The following ZDHHC14 variants were observed in gnomAD, a reference collection of about 807,000 sequenced individuals.
ZDHHC14 encodes the protein zDHHC palmitoyltransferase 14.
In ZDHHC14, 16 loss-of-function variants were observed where a neutral mutation model predicts 47.7. That is an observed-to-expected ratio of 0.34 (90% CI 0.23 to 0.51). The LOEUF (loss-of-function observed/expected upper bound fraction) is 0.51, where lower values mean the gene tolerates loss of function less well. Ranked by LOEUF, ZDHHC14 falls within the 20% of genes least tolerant of loss-of-function variation. The probability of loss-of-function intolerance (pLI) is 0.97; values close to 1 mark genes in which losing one functional copy is unlikely to be tolerated. For missense variants in ZDHHC14, 515 were observed against 662.5 expected, an observed-to-expected ratio of 0.78 and a Z score of 2.44; for synonymous variants, 293 against 278.9, an observed-to-expected ratio of 1.05 and a Z score of -0.50.
chr6:157,541,471 C>G (rs1293260255), intron 1 of ZDHHC14, among the ~76,000 whole-genome samples: 1 of 152,164 alleles, frequency 6.6e-6, no homozygotes, highest in East Asian at 1.9e-4. Flanking sequence ...TTGAGCAGAG[C>G]TGAGCTTCCC....
chr6:157,663,836 C>A (rs544099537), intron 8 of ZDHHC14, among the ~76,000 whole-genome samples: 1 of 152,300 alleles, frequency 6.6e-6, no homozygotes, highest in African/African-American at 2.4e-5. Context: ...TCCAAGCCTT[C>A]CACGTACATA....
intron 1 of ZDHHC14, among the ~76,000 whole-genome samples, chr6:157,513,171 G>A (rs1037146177): frequency 5.3e-5 from 8 of 152,248 alleles, no homozygotes; most frequent in African/African-American, 1.4e-4. Flanking sequence ...TGTTCGTGAC[G>A]TCTCGCTGTT....
At position 157,672,889 on chromosome 6, in the gene ZDHHC14, C is replaced by A. The variant is rs759123895; in HGVS notation, c.1234C>A (p.Pro412Thr). 9.3e-6 allele frequency: 15 copies of A among 1,606,630 alleles called. No homozygotes were observed. The highest frequency in any genetic ancestry group is 1.2e-5 in the Non-Finnish European group (14 of 1,177,720). ...ASLTLGPPTP[P>T]ASMPNLAEAT... ...CCTCACACTGGGCCCGCCCACACCG[C>A]CCGCCTCCATGCCCAACCTCGCCGA... The change falls in exon 9 of 9, where the codon CCC becomes ACC. Residue 412 changes from proline (P) to threonine (T), a missense_variant. Pro to Thr is a conservative substitution (Grantham distance 38). This residue lies in a region of ZDHHC14 where 221 missense variants were observed against 233.6 expected (regional missense o/e 0.95). Coordinates refer to ENST00000359775, the MANE Select transcript of ZDHHC14 (RefSeq NM_024630.3).
In ZDHHC14 at chr6:157,673,281, G is replaced by C. The variant is rs192202553; in HGVS notation, c.*159G>C. Reference sequence around the variant, plus strand: ...AGACCACTTAGGATGGCACAGGGTGGCTGGCCCCGGATGCTGAGAGCTTGG... The same window carrying C: ...AGACCACTTAGGATGGCACAGGGTGCCTGGCCCCGGATGCTGAGAGCTTGG... On this transcript the variant is annotated 3_prime_UTR_variant, in exon 9 of 9. Transcript: ENST00000359775. The surrounding 1 kb of genome is among the most constrained non-coding windows in gnomAD (Gnocchi z 5.4). 8 of 951,424 alleles carry C rather than the reference G, an allele frequency of 8.4e-6. No homozygotes were observed. In the Admixed American group the frequency reaches 3.0e-4, roughly 36 times the overall value. 58.9% of individuals were successfully genotyped at this position (951,424 alleles called of 1,614,324 possible). A position where few individuals can be genotyped will look rare whatever the true frequency, so the allele number is the denominator to read the frequency against.
chr6:157,500,799 TA>T (rs1417766979), intron 1 of ZDHHC14, among the ~76,000 whole-genome samples: 1 of 152,230 alleles, frequency 6.6e-6, no homozygotes, highest in Non-Finnish European at 1.5e-5. Context: ...CTTAAAAGTT[TA>T]AAACATTTTA....
rs370661220 is a variant in ZDHHC14 at position 157,485,281 on chromosome 6, G to A, written c.246-57304G>A. Among the ~76,000 whole-genome samples, 49 of 152,230 alleles carry A rather than the reference G, an allele frequency of 3.2e-4. No homozygotes were observed. The South Asian group carries it at 7.7e-3, about 24-fold the overall frequency. ...TGTACTGCAGCAGGGACTGAGCTTC[G>A]TGCACATGGGAGGCTTCATCCTCTG... On this transcript the variant is annotated intron_variant, in intron 1 of 8. Coordinates refer to ENST00000359775, the MANE Select transcript of ZDHHC14 (RefSeq NM_024630.3).
At chr6:157,472,071 C>T (rs1779367622) in intron 1 of ZDHHC14, among the ~76,000 whole-genome samples, 1 of 152,116 alleles carries the variant, frequency 6.6e-6, no homozygotes. Context: ...CAGCTTGCTC[C>T]ACCACCAACC....
chr6:157,669,659 T>C lies in ZDHHC14; in HGVS notation c.1069-3065T>C, dbSNP rs191424893. Among the ~76,000 whole-genome samples, 234 of 152,350 alleles carry C rather than the reference T, an allele frequency of 1.5e-3. 2 individuals are homozygous for C. The highest frequency in any genetic ancestry group is 3.5e-3 in the Admixed American group (53 of 15,312). On this transcript the variant is annotated intron_variant, in intron 8 of 8. Coordinates refer to ENST00000359775, the MANE Select transcript of ZDHHC14 (RefSeq NM_024630.3). ...GGTCAACAGAGACAAGCAAATCTAA[T>C]TTGCCATTTCCTTGTTCCTTAGAGC... is the stretch of plus-strand genomic sequence containing the variant.
At chr6:157,474,758 CTTAGTA>C (rs1779438867) in intron 1 of ZDHHC14, among the ~76,000 whole-genome samples, 6 of 152,022 alleles carry the variant, frequency 3.9e-5, no homozygotes, top group Admixed American at 1.3e-4. Context: ...TATTTGTTTT[CTTAGTA>C]TTGAATTGTT....
intron 1 of ZDHHC14, among the ~76,000 whole-genome samples, chr6:157,531,545 T>C (rs1413072190): frequency 1.3e-5 from 2 of 152,010 alleles, no homozygotes; most frequent in Admixed American, 6.5e-5. Context: ...CCTCAACACC[T>C]GTGTCTCCAC....
At chr6:157,570,752 CATACACACACACACACACATATATAT>C (rs1368503595) in intron 2 of ZDHHC14, among the ~76,000 whole-genome samples, 2 of 125,136 alleles carry the variant, frequency 1.6e-5, no homozygotes, top group Non-Finnish European at 1.6e-5. Flanking sequence ...TATGTATATA[CATACACACACACACACACATATATAT>C]ATACACACAC....
intron 1 of ZDHHC14, among the ~76,000 whole-genome samples, chr6:157,486,294 AG>A (rs1161776705): frequency 6.6e-6 from 1 of 152,186 alleles, no homozygotes; most frequent in Non-Finnish European, 1.5e-5. Context: ...GTAGACACTC[AG>A]CCATGGCTTC....
intron 1 of ZDHHC14, among the ~76,000 whole-genome samples, chr6:157,526,740 C>T (rs1271214231): frequency 1.3e-5 from 2 of 152,194 alleles, no homozygotes; most frequent in African/African-American, 4.8e-5. Context: ...CCTACTTCAG[C>T]GACTGTGGGA....
At chr6:157,430,414 G>A (rs1354161297) in intron 1 of ZDHHC14, among the ~76,000 whole-genome samples, 3 of 152,016 alleles carry the variant, frequency 2.0e-5, no homozygotes, top group East Asian at 3.9e-4. Flanking sequence ...TACCAGAAGG[G>A]CTGCATTCTT....
intron 1 of ZDHHC14, among the ~76,000 whole-genome samples, chr6:157,428,059 C>G (rs1002025470): frequency 6.6e-6 from 1 of 152,120 alleles, no homozygotes; most frequent in African/African-American, 2.4e-5. Context: ...GTTCTGCTGT[C>G]GATATGTGCT....
intron 1 of ZDHHC14, among the ~76,000 whole-genome samples, chr6:157,487,865 C>T (rs1405238683): frequency 6.6e-6 from 1 of 152,192 alleles, no homozygotes; most frequent in East Asian, 1.9e-4. Context: ...AGGCAGGTCC[C>T]CCGGAGCTGC....
rs1562460893 is a variant in ZDHHC14, at chr6:157,522,924, T to TTC, written c.246-19661_246-19660insTC. On this transcript the variant is annotated intron_variant, in intron 1 of 8. Coordinates refer to ENST00000359775, the MANE Select transcript of ZDHHC14 (RefSeq NM_024630.3). ...TCCTTCCTTCCTTCCTTCCTTCCTTTCTTTCTTTCTTTCTTTCTTTCCTTC... is the reference window on the plus strand; with the variant it reads ...TCCTTCCTTCCTTCCTTCCTTCCTTTTCCTTTCTTTCTTTCTTTCTTTCCTTC... Among the ~76,000 whole-genome samples the TTC allele has an allele frequency of 3.5e-4, 13 of 37,474 alleles. 1 individual carries two copies. The highest frequency in any genetic ancestry group is 9.6e-4 in the South Asian group (1 of 1,042). The allele number at this position is 37,474 out of a possible 152,430, so 24.6% of individuals were successfully genotyped here.
At chr6:157,554,130 C>A (rs1164691390) in intron 2 of ZDHHC14, among the ~76,000 whole-genome samples, 1 of 152,226 alleles carries the variant, frequency 6.6e-6, no homozygotes, top group Admixed American at 6.5e-5. Flanking sequence ...TACATACCAC[C>A]ACAATTTGGA....
At chr6:157,606,466 C>CA (rs1263736471) in intron 3 of ZDHHC14, among the ~76,000 whole-genome samples, 1 of 150,980 alleles carries the variant, frequency 6.6e-6, no homozygotes, top group Non-Finnish European at 1.5e-5. Context: ...AACTCCATCT[C>CA]AAAAAAAAGA....
Sources: gnomAD v4.1 joint callset for allele counts (sites outside exome capture counted in the v4.1 genomes callset) on GRCh38, gnomAD v4.1.1 for gene constraint, gnomAD v4.1.1 regional missense constraint, Gnocchi (gnomAD v3.1) non-coding constraint, MANE v1.5 for transcripts, NCBI Gene and HGNC (gene_info 2026-07-23, HGNC 2026-07-21) for gene names.